DGKB: variants seen among roughly 807,000 people sequenced by gnomAD.
DGKB encodes the protein diacylglycerol kinase beta, also known as 90 kDa diacylglycerol kinase.
In DGKB, 67 loss-of-function variants were observed where a neutral mutation model predicts 114.3. That is an observed-to-expected ratio of 0.59 (90% CI 0.48 to 0.72). The LOEUF (loss-of-function observed/expected upper bound fraction) is 0.72, where lower values mean the gene tolerates loss of function less well. DGKB is among the 30% of genes least tolerant of loss of function. DGKB has a pLI of 0.00. For synonymous variants in DGKB, 398 were observed against 323.1 expected, an observed-to-expected ratio of 1.23 and a Z score of -2.49; for missense variants, 907 against 975.2, an observed-to-expected ratio of 0.93 and a Z score of 0.93.
intron 20 of DGKB, among the ~76,000 whole-genome samples, chr7:14,499,371 C>A (rs1038975236): frequency 1.3e-4 from 20 of 151,412 alleles, no homozygotes; most frequent in African/African-American, 4.9e-4. Context: ...GTTAATTTTG[C>A]AGTATGTTTT....
intron 1 of DGKB, among the ~76,000 whole-genome samples, chr7:14,968,049 C>T (rs1787264534): frequency 6.6e-6 from 1 of 152,106 alleles, no homozygotes; most frequent in Non-Finnish European, 1.5e-5. Flanking sequence ...AAATTCAAAA[C>T]TGAAATACCT....
intron 23 of DGKB, among the ~76,000 whole-genome samples, chr7:14,313,397 C>T (rs1353190565): frequency 6.6e-6 from 1 of 151,926 alleles, no homozygotes; most frequent in Non-Finnish European, 1.5e-5. Context: ...AGACAGTGGG[C>T]GCAGGTCAGT....
intron 2 of DGKB, among the ~76,000 whole-genome samples, chr7:14,820,447 G>T (rs1434970396): frequency 1.3e-5 from 2 of 152,108 alleles, no homozygotes; most frequent in Non-Finnish European, 2.9e-5. Context: ...ATGGTATTCT[G>T]CAGTGCCTCT....
chr7:14,230,883 G>C (rs143551254), intron 23 of DGKB, among the ~76,000 whole-genome samples: 77 of 151,952 alleles, frequency 5.1e-4, no homozygotes, highest in Non-Finnish European at 9.3e-4. Context: ...CTCTCCTACC[G>C]GATGAGATGT....
At chr7:14,805,363 T>C (rs1199092968) in intron 2 of DGKB, among the ~76,000 whole-genome samples, 1 of 152,052 alleles carries the variant, frequency 6.6e-6, no homozygotes, top group Non-Finnish European at 1.5e-5. Context: ...TAGTGTAAGA[T>C]TCTAGCTGCT....
chr7:14,814,945 T>TAAA (rs1843911026), intron 2 of DGKB, among the ~76,000 whole-genome samples: 1 of 152,216 alleles, frequency 6.6e-6, no homozygotes, highest in Admixed American at 6.5e-5. Flanking sequence ...TCTGGCATTT[T>TAAA]AATTACAGCA....
intron 1 of DGKB, among the ~76,000 whole-genome samples, chr7:14,861,784 G>C (rs1230200330): frequency 1.3e-5 from 2 of 151,820 alleles, no homozygotes; most frequent in Non-Finnish European, 1.5e-5. Flanking sequence ...TCTACATTGA[G>C]GCATAGAACT....
At chr7:14,410,349 T>C (rs1046281617) in intron 21 of DGKB, among the ~76,000 whole-genome samples, 5 of 152,026 alleles carry the variant, frequency 3.3e-5, no homozygotes, top group Non-Finnish European at 7.4e-5. Context: ...TAACTTTCTA[T>C]TCATTTTTCT....
chr7:14,689,210 T>TTTTATTTTA lies in DGKB; in HGVS notation c.712-3849_712-3848insTAAAATAAA, dbSNP rs1822334629. ...CAGAAACTCCTCTTATTTTTTTTTT[T>TTTTATTTTA]TTTTTTTTTTTTTTGAGAGGAGTCT... On this transcript the variant is annotated intron_variant, in intron 9 of 25. Coordinates refer to ENST00000402815, the MANE Select transcript of DGKB (RefSeq NM_001350709.2). 7.1e-5 allele frequency among the ~76,000 whole-genome samples: 9 copies of TTTTATTTTA among 127,446 alleles called. No homozygotes were observed. In the South Asian group the frequency reaches 1.1e-3, roughly 16 times the overall value. The allele number at this position is 127,446 out of a possible 152,430, so 83.6% of individuals were successfully genotyped here. A position where few individuals can be genotyped will look rare whatever the true frequency, so the allele number is the denominator to read the frequency against.
chr7:14,353,000 T>C (rs1813764340), intron 21 of DGKB, among the ~76,000 whole-genome samples: 2 of 152,132 alleles, frequency 1.3e-5, no homozygotes. Context: ...AAGAAATTTA[T>C]TAGAAAGATT....
In DGKB at chr7:14,574,198, G is replaced by A; in HGVS notation, c.1770+14C>T. On this transcript the variant is annotated intron_variant, in intron 20 of 25. Coordinates refer to ENST00000402815, the MANE Select transcript of DGKB (RefSeq NM_001350709.2). ...AGTACAGGTACAAAGGTAAAATTTAGTGGAGAATCTTACCACGCCAATGGA... is the reference window on the plus strand; with the variant it reads ...AGTACAGGTACAAAGGTAAAATTTAATGGAGAATCTTACCACGCCAATGGA... 1 of 1,607,442 alleles carries A rather than the reference G, an allele frequency of 6.2e-7. No individual in the cohort carries two copies. Among genetic ancestry groups the A allele is most frequent in the African/African-American group, 1.3e-5 (1 of 74,732 alleles).
intron 1 of DGKB, among the ~76,000 whole-genome samples, chr7:14,892,092 A>G (rs566217326): frequency 6.6e-6 from 1 of 151,500 alleles, no homozygotes; most frequent in South Asian, 2.1e-4. Context: ...GGACAGTAAG[A>G]GAAGGGAGAA....
rs1784791743 is a variant in DGKB at position 14,927,211 on chromosome 7, T to G, written c.-188+47485A>C. On this transcript the variant is annotated intron_variant, in intron 1 of 4. Transcript: ENST00000437998. ...TGTGGGGTCTGATTTTATTAAGGGA[T>G]AAGGAGACAGTAGTTCATTAGAATG... Among the ~76,000 whole-genome samples, 3 of 152,094 alleles carry G rather than the reference T, an allele frequency of 2.0e-5. No homozygotes were observed. In the South Asian group the frequency reaches 6.2e-4, roughly 31 times the overall value.
At chr7:14,203,147 A>C (rs1034074145) in intron 23 of DGKB, among the ~76,000 whole-genome samples, 1 of 127,044 alleles carries the variant, frequency 7.9e-6, no homozygotes, top group Non-Finnish European at 1.6e-5. Flanking sequence ...GCCAGTATCA[A>C]AAAGAGCAGT....
At chr7:14,710,502 G>A (rs1827182396) in intron 6 of DGKB, among the ~76,000 whole-genome samples, 1 of 151,818 alleles carries the variant, frequency 6.6e-6, no homozygotes, top group African/African-American at 2.4e-5. Context: ...TTGCCTTATT[G>A]CCATGAGCAA....
At position 14,145,963 on chromosome 7, in the gene DGKB, G is replaced by A. The variant is rs914841387; in HGVS notation, c.*3168C>T. The A allele has an allele frequency of 5.9e-5, 9 of 152,192 alleles. No homozygotes were observed. Among genetic ancestry groups the A allele is most frequent in the Admixed American group, 3.3e-4 (5 of 15,276 alleles). The allele number at this position is 152,192 out of a possible 1,614,324, so 9.4% of individuals were successfully genotyped here. A position where few individuals can be genotyped will look rare whatever the true frequency, so the allele number is the denominator to read the frequency against. ...AAAACAAAATAAAATGTGGAAACAC[G>A]TATGTGATTCATTAGCCCTCACTGG... On this transcript the variant is annotated 3_prime_UTR_variant, in exon 26 of 26. Coordinates refer to ENST00000402815, the MANE Select transcript of DGKB (RefSeq NM_001350709.2).
intron 21 of DGKB, among the ~76,000 whole-genome samples, chr7:14,448,443 T>C (rs984584723): frequency 1.7e-4 from 26 of 152,080 alleles, no homozygotes; most frequent in Admixed American, 8.5e-4. Flanking sequence ...TGAACACTGA[T>C]TAGAATGTCT....
chr7:14,913,360 T>C (rs1396054989), intron 1 of DGKB, among the ~76,000 whole-genome samples: 1 of 151,728 alleles, frequency 6.6e-6, no homozygotes, highest in Non-Finnish European at 1.5e-5. Context: ...TTACATTTTC[T>C]AGAAAATTTC....
chr7:14,418,412 T>C (rs1030265856), intron 21 of DGKB, among the ~76,000 whole-genome samples: 1 of 91,808 alleles, frequency 1.1e-5, no homozygotes, highest in Admixed American at 1.3e-4. Context: ...CATATATTCA[T>C]GTGAGTATAC....
Sources: gnomAD v4.1 joint callset for allele counts (sites outside exome capture counted in the v4.1 genomes callset) on GRCh38, gnomAD v4.1.1 for gene constraint, MANE v1.5 for transcripts, NCBI Gene and HGNC (gene_info 2026-07-23, HGNC 2026-07-21) for gene names.